ATG7: variants seen among roughly 807,000 people sequenced by gnomAD.
ATG7 encodes ubiquitin-like modifier-activating enzyme ATG7.
In ATG7, 70 loss-of-function variants were observed where a neutral mutation model predicts 82.4. The ratio of observed to expected loss-of-function variants is 0.85; its 90% confidence interval spans 0.70 to 1.04. ATG7 has a LOEUF of 1.04. ATG7 is among the 50% of genes least tolerant of loss of function. ATG7 has a pLI of 0.00. For missense variants in ATG7, 792 were observed against 864.3 expected (o/e 0.92, Z 1.05); for synonymous variants, 287 against 313.0 (o/e 0.92, Z 0.88).
At chr3:11,435,842 G>T (rs1036584166) in intron 20 of ATG7, among the ~76,000 whole-genome samples, 11 of 152,154 alleles carry the variant, frequency 7.2e-5, no homozygotes, top group Non-Finnish European at 4.4e-5. Flanking sequence ...TAAATTTTGT[G>T]CTTCAAAGGA....
At chr3:11,463,192 GAT>G (rs1372401076) in intron 20 of ATG7, among the ~76,000 whole-genome samples, 2 of 151,650 alleles carry the variant, frequency 1.3e-5, no homozygotes, top group African/African-American at 4.8e-5. Context: ...GCCCCTCTCA[GAT>G]ATTTCTATCC....
intron 20 of ATG7, among the ~76,000 whole-genome samples, chr3:11,468,861 A>T (rs953233943): frequency 6.6e-6 from 1 of 152,166 alleles, no homozygotes; most frequent in African/African-American, 2.4e-5. Flanking sequence ...TGGAACCATG[A>T]CCCTGAGTGG....
intron 20 of ATG7, among the ~76,000 whole-genome samples, chr3:11,432,445 T>A (rs1423778474): frequency 9.8e-6 from 1 of 101,658 alleles, no homozygotes; most frequent in Non-Finnish European, 2.0e-5. Context: ...TACATTTTTA[T>A]GAAGAAGGAG....
At chr3:11,278,686 A>G (rs1388859710) in intron 1 of ATG7, among the ~76,000 whole-genome samples, 1 of 152,238 alleles carries the variant, frequency 6.6e-6, no homozygotes, top group Non-Finnish European at 1.5e-5. Context: ...ACAAGTATTT[A>G]TTGGGCACCT....
chr3:11,528,629 C>A lies in ATG7; in HGVS notation c.2080-26182C>A, dbSNP rs2092632848. Among the ~76,000 whole-genome samples, 3 of 151,910 alleles carry A rather than the reference C, an allele frequency of 2.0e-5. No homozygotes were observed. The South Asian group carries it at 6.2e-4, about 32-fold the overall frequency. On this transcript the variant is annotated intron_variant, in intron 20 of 20. Coordinates refer to ENST00000693202, the MANE Select transcript of ATG7 (RefSeq NM_001349232.2). ...ATCCACAAGGTCAGGAGTTTGAGAC[C>A]AGCCTGGCCAATATGGTGAAACCCC...
intron 20 of ATG7, among the ~76,000 whole-genome samples, chr3:11,503,029 AC>A (rs1312610045): frequency 2.6e-5 from 4 of 152,218 alleles, no homozygotes; most frequent in Admixed American, 2.0e-4. Context: ...CATACCAGAT[AC>A]AGGGGTATCC....
chr3:11,502,023 C>T (rs1030481076), intron 20 of ATG7, among the ~76,000 whole-genome samples: 1 of 55,870 alleles, frequency 1.8e-5, no homozygotes, highest in African/African-American at 7.1e-5. Flanking sequence ...TGGTAGTAAA[C>T]ATATATACAC....
intron 1 of ATG7, among the ~76,000 whole-genome samples, chr3:11,273,519 C>T (rs1008036426): frequency 2.6e-5 from 4 of 152,184 alleles, no homozygotes; most frequent in Admixed American, 6.5e-5. Flanking sequence ...CTTTTCTTCT[C>T]TAGGCTAAGC....
intron 20 of ATG7, among the ~76,000 whole-genome samples, chr3:11,475,543 G>T (rs1298812925): frequency 6.6e-6 from 1 of 152,152 alleles, no homozygotes; most frequent in Non-Finnish European, 1.5e-5. Context: ...CATGTAAACT[G>T]CTGGGAAAAG....
intron 19 of ATG7, among the ~76,000 whole-genome samples, chr3:11,395,308 T>C (rs1416912108): frequency 6.6e-6 from 1 of 152,080 alleles, no homozygotes; most frequent in Non-Finnish European, 1.5e-5. Context: ...AAAGAAATAA[T>C]GGTTCTATAG....
intron 20 of ATG7, among the ~76,000 whole-genome samples, chr3:11,428,149 GC>G (rs2082534397): frequency 6.6e-6 from 1 of 152,136 alleles, no homozygotes; most frequent in African/African-American, 2.4e-5. Context: ...TAGCTAGGTG[GC>G]AAAACTCCCC....
chr3:11,510,521 C>T (rs1312013619), intron 20 of ATG7, among the ~76,000 whole-genome samples: 2 of 150,014 alleles, frequency 1.3e-5, no homozygotes, highest in Admixed American at 6.7e-5. Context: ...GATGTCCTGA[C>T]CCCCTCAACC....
chr3:11,559,869 C>T (rs540181253), downstream of ATG7, among the ~76,000 whole-genome samples: 15 of 152,266 alleles, frequency 9.9e-5, no homozygotes, highest in African/African-American at 3.4e-4. Flanking sequence ...TGGAGCCATC[C>T]AGGACACTTC....
At chr3:11,400,259 A>G (rs1300984193) in intron 19 of ATG7, among the ~76,000 whole-genome samples, 2 of 152,208 alleles carry the variant, frequency 1.3e-5, no homozygotes, top group East Asian at 3.9e-4. Flanking sequence ...TAAGTTTTCA[A>G]TAATTTACCC....
chr3:11,370,661 C>T (rs1282300178), intron 18 of ATG7, among the ~76,000 whole-genome samples: 1 of 151,070 alleles, frequency 6.6e-6, no homozygotes, highest in Non-Finnish European at 1.5e-5. Flanking sequence ...CCCATCGAGG[C>T]CTGGGTCTGA....
intron 20 of ATG7, among the ~76,000 whole-genome samples, chr3:11,441,671 T>C (rs202080204): frequency 1.1e-5 from 1 of 90,038 alleles, no homozygotes; most frequent in Non-Finnish European, 2.1e-5. Context: ...TTTTTTTTAA[T>C]TTTTTTTTTT....
At chr3:11,548,785 T>G (rs1477119657) in intron 20 of ATG7, among the ~76,000 whole-genome samples, 1 of 145,064 alleles carries the variant, frequency 6.9e-6, no homozygotes, top group African/African-American at 2.5e-5. Context: ...GCTGAGGGCC[T>G]CTTGGGCCTG....
At chr3:11,310,637 T>G (rs2152714756) in intron 7 of ATG7, among the ~76,000 whole-genome samples, 1 of 151,572 alleles carries the variant, frequency 6.6e-6, no homozygotes, top group South Asian at 2.1e-4. Context: ...TTCTGTAGTT[T>G]TTTTTTTTTT....
chr3:11,352,434 T>G (rs2075628840), intron 14 of ATG7, among the ~76,000 whole-genome samples: 1 of 152,240 alleles, frequency 6.6e-6, no homozygotes, highest in South Asian at 2.1e-4. Flanking sequence ...CACACTGTCT[T>G]GCACAATGGT....
Sources: allele counts gnomAD v4.1 joint callset (sites outside exome capture counted in the v4.1 genomes callset), GRCh38; gene constraint gnomAD v4.1.1; transcripts MANE v1.5; gene names NCBI Gene and HGNC (gene_info 2026-07-23, HGNC 2026-07-21).